ZSWIM4: variants seen among roughly 807,000 people sequenced by gnomAD.
The protein encoded by ZSWIM4 is zinc finger SWIM domain-containing protein 4.
ZSWIM4 carries 62 observed loss-of-function variants against 102.5 expected under a neutral mutation model. That is an observed-to-expected ratio of 0.60 (90% CI 0.49 to 0.75). The LOEUF is 0.75. Among genes scored for constraint, ZSWIM4 ranks in the 30% least tolerant of loss-of-function variants. The probability of loss-of-function intolerance (pLI) is 0.00; values close to 1 mark genes in which losing one functional copy is unlikely to be tolerated. For synonymous variants in ZSWIM4, 652 were observed against 674.5 expected (o/e 0.97, Z 0.52); for missense variants, 1,280 against 1,529.6 (o/e 0.84, Z 2.72).
At chr19:13,808,606 G>C (rs1974980253) in intron 3 of ZSWIM4, among the ~76,000 whole-genome samples, 1 of 152,012 alleles carries the variant, frequency 6.6e-6, no homozygotes, top group Non-Finnish European at 1.5e-5. Context: ...AAGTGTAGTG[G>C]GGCGTGCCTG....
chr19:13,804,761 C>T (rs767594030), intron 2 of ZSWIM4, 31 bp from the exon 3 acceptor site: 2 of 1,535,396 alleles, frequency 1.3e-6, no homozygotes, highest in Non-Finnish European at 1.8e-6. Context: ...TCTGGGATGA[C>T]ACGGATGCGA....
In ZSWIM4 at chr19:13,830,664, C is replaced by T; in HGVS notation, c.2935C>T (p.Leu979Phe). 1.2e-6 allele frequency: 2 copies of T among 1,603,630 alleles called. No homozygotes were observed. Among genetic ancestry groups the T allele is most frequent in the Non-Finnish European group, 1.7e-6 (2 of 1,179,628 alleles). Residue 979 changes from leucine (L) to phenylalanine (F), a missense_variant, in exon 14 of 14, where the codon CTC becomes TTC. Physicochemically the swap from Leu to Phe is conservative, Grantham distance 22 (BLOSUM62 0). Transcript: ENST00000590508. ...CAGCCACTCCCTGGGCCGGCACGAGCTCTCTGCCATCGTCCCCCTCATCAT... is the reference window on the plus strand; with the variant it reads ...CAGCCACTCCCTGGGCCGGCACGAGTTCTCTGCCATCGTCCCCCTCATCAT... ...SLSHSLGRHE[L>F]SAIVPLIIRS...
Position 13,825,442 on chromosome 19 carries a change from C to G in ZSWIM4, c.2216-108C>G. 7.4e-7 allele frequency: 1 copy of G among 1,347,794 alleles called. No individual in the cohort carries two copies. The highest frequency in any genetic ancestry group is 1.0e-6 in the Non-Finnish European group (1 of 964,316). The allele number at this position is 1,347,794 out of a possible 1,614,324, so 83.5% of individuals were successfully genotyped here. On this transcript the variant is annotated intron_variant, in intron 11 of 13. Transcript: ENST00000590508. The surrounding 1 kb of genome is among the most constrained non-coding windows in gnomAD (Gnocchi z 4.6). ...GGCCCAGTACACATCCCTCCACACT[C>G]ACACATGTGCCCCTGGGTGGAAGGA...
In ZSWIM4 at chr19:13,819,244, C is replaced by T; in HGVS notation, c.1925-113C>T. 1.5e-5 allele frequency: 21 copies of T among 1,436,622 alleles called. No homozygotes were observed. The South Asian group carries it at 2.6e-4, about 18-fold the overall frequency. The allele number at this position is 1,436,622 out of a possible 1,614,324, so 89.0% of individuals were successfully genotyped here. On this transcript the variant is annotated intron_variant, in intron 9 of 13. Transcript: ENST00000590508. Reference sequence around the variant, plus strand: ...CCCCAGAGACCCATCTAGCCACAGCCACTCTACCCAGGGGCCAGCCCACCC... The same window carrying T: ...CCCCAGAGACCCATCTAGCCACAGCTACTCTACCCAGGGGCCAGCCCACCC...
chr19:13,827,633 A>G (rs1250620656), intron 12 of ZSWIM4, among the ~76,000 whole-genome samples: 1 of 150,322 alleles, frequency 6.7e-6, no homozygotes, highest in Non-Finnish European at 1.5e-5. Context: ...GAAACTGGGG[A>G]CCTTCCCAGC....
At position 13,817,199 on chromosome 19, in the gene ZSWIM4, C is replaced by A; in HGVS notation, c.1532-17C>A. 6.2e-7 allele frequency: 1 copy of A among 1,602,796 alleles called. No individual in the cohort carries two copies. Among genetic ancestry groups the A allele is most frequent in the African/African-American group, 1.3e-5 (1 of 74,840 alleles). ...GGGCAGGTGTGTGGGCATTGAGCCC[C>A]CTCTTTCCACCTGCAGAGCTGCTCC... On this transcript the variant is annotated splice_polypyrimidine_tract_variant and intron_variant, in intron 7 of 13. Coordinates refer to ENST00000590508, the MANE Select transcript of ZSWIM4 (RefSeq NM_001367834.3).
chr19:13,807,570 AGATGGATG>A (rs56365536), intron 3 of ZSWIM4, among the ~76,000 whole-genome samples: 4,552 of 141,086 alleles, frequency 0.032, 207 homozygotes, highest in African/African-American at 0.11. Flanking sequence ...GTTTTGGGCA[AGATGGATG>A]GATGGATGGA....
chr19:13,800,121 G>T (rs1052961744), intron 2 of ZSWIM4, among the ~76,000 whole-genome samples, 200 bp downstream of exon 2: 29 of 146,418 alleles, frequency 2.0e-4, no homozygotes, highest in African/African-American at 7.3e-4. Context: ...AGGCCGGAGT[G>T]CAGTGGCGCG....
chr19:13,824,040 G>C (rs1041118750), intron 11 of ZSWIM4, among the ~76,000 whole-genome samples: 16 of 151,556 alleles, frequency 1.1e-4, no homozygotes, highest in African/African-American at 3.9e-4. Context: ...GGAGTAGAGA[G>C]GAAAGTGAGA....
intron 1 of ZSWIM4, among the ~76,000 whole-genome samples, chr19:13,798,811 C>CG (rs1974677465): frequency 6.6e-6 from 1 of 152,138 alleles, no homozygotes; most frequent in African/African-American, 2.4e-5. Context: ...TTATTTGAGA[C>CG]GGAGTCTCGC....
intron 1 of ZSWIM4, among the ~76,000 whole-genome samples, chr19:13,798,841 T>C (rs898021397): frequency 2.6e-5 from 4 of 152,142 alleles, no homozygotes; most frequent in Non-Finnish European, 5.9e-5. Context: ...CAGACTGGAG[T>C]GCAATGGCGC....
At chr19:13,807,754 C>G (rs868656928) in intron 3 of ZSWIM4, among the ~76,000 whole-genome samples, 34 of 139,240 alleles carry the variant, frequency 2.4e-4, no homozygotes, top group Middle Eastern at 8.1e-3. Context: ...TGGATGGATG[C>G]ATGGATGGAT....
intron 9 of ZSWIM4, among the ~76,000 whole-genome samples, chr19:13,819,124 A>G (rs1390727393): frequency 2.0e-5 from 3 of 151,922 alleles, no homozygotes; most frequent in Non-Finnish European, 4.4e-5. Context: ...TCGGCCTCCC[A>G]AAGTGCTGGG....
chr19:13,828,534 T>C, intron 12 of ZSWIM4, 111 bp from the exon 13 acceptor site: 1 of 822,080 alleles, frequency 1.2e-6, no homozygotes, highest in East Asian at 2.5e-5. Flanking sequence ...CCGGGTTCAT[T>C]GGATCAGCTT....
intron 12 of ZSWIM4, among the ~76,000 whole-genome samples, chr19:13,826,805 T>C (rs951916488): frequency 6.6e-6 from 1 of 151,772 alleles, no homozygotes; most frequent in African/African-American, 2.4e-5. Flanking sequence ...GGCCTGCAAC[T>C]GAGTGTCTGG....
At chr19:13,815,970 G>C (rs2145330862) in intron 7 of ZSWIM4, among the ~76,000 whole-genome samples, 1 of 148,868 alleles carries the variant, frequency 6.7e-6, no homozygotes, top group Non-Finnish European at 1.5e-5. Context: ...AAAAGAGAGA[G>C]AGAGGAGAGC....
intron 3 of ZSWIM4, 75 bp from the exon 4 acceptor site, chr19:13,808,761 A>AT (rs1457412166): frequency 4.2e-6 from 5 of 1,192,364 alleles, no homozygotes; most frequent in Middle Eastern, 2.9e-4. Flanking sequence ...AAAAAAAAAA[A>AT]GGACAGCTCT....
In ZSWIM4 at chr19:13,825,051, T is replaced by TTC. The variant is rs1292571766; in HGVS notation, c.2216-498_2216-497insCT. The stretch of plus-strand genomic sequence containing the variant: ...CTAGGTGGCTTTTCTTTTCTTTTTT[T>TTC]TTTTTTTGAGATGGATATTACTCTA... On this transcript the variant is annotated intron_variant, in intron 11 of 13. Transcript: ENST00000590508. This position sits in a 1 kb window ranked among gnomAD's most constrained non-coding sequence, Gnocchi z 4.6. 3.0e-4 allele frequency among the ~76,000 whole-genome samples: 45 copies of TTC among 151,522 alleles called. 1 individual carries two copies. The highest frequency in any genetic ancestry group is 3.9e-4 in the East Asian group (2 of 5,154).
At chr19:13,805,419 G>T (rs1974893180) in intron 3 of ZSWIM4, among the ~76,000 whole-genome samples, 1 of 151,662 alleles carries the variant, frequency 6.6e-6, no homozygotes, top group Non-Finnish European at 1.5e-5. Context: ...GCAAGTGGGA[G>T]GTCTGGCCCC....
Sources: allele counts gnomAD v4.1 joint callset (sites outside exome capture counted in the v4.1 genomes callset), GRCh38; gene constraint gnomAD v4.1.1; non-coding constraint Gnocchi (gnomAD v3.1); transcripts MANE v1.5; gene names NCBI Gene and HGNC (gene_info 2026-07-23, HGNC 2026-07-21).